Variants in CLOCK observed in about 807,000 individuals in gnomAD.
CLOCK encodes circadian locomoter output cycles protein kaput.
CLOCK carries 43 observed loss-of-function variants against 118.4 expected under a neutral mutation model. The ratio of observed to expected loss-of-function variants is 0.36; its 90% CI spans 0.28 to 0.47. The LOEUF (loss-of-function observed/expected upper bound fraction) is 0.47. Among genes scored for constraint, CLOCK ranks in the 20% least tolerant of loss-of-function variants. The pLI is 1.00. For missense variants in CLOCK, 846 were observed against 999.9 expected (o/e 0.85, Z 2.08); for synonymous variants, 326 against 339.2 (o/e 0.96, Z 0.43).
intron 18 of CLOCK, among the ~76,000 whole-genome samples, chr4:55,445,582 C>CTTTTTTTTTTTTTT (rs56157186): frequency 0.013 from 875 of 68,578 alleles, 155 homozygotes; most frequent in Non-Finnish European, 0.018. Context: ...TTTCTATATT[C>CTTTTTTTTTTTTTT]TTTTTTTTTT....
At chr4:55,443,940 A>C (rs1723580788) in intron 19 of CLOCK, 44 bp from the exon 20 acceptor site, 2 of 1,558,992 alleles carry the variant, frequency 1.3e-6, no homozygotes, top group Admixed American at 1.7e-5. Context: ...TGTAGATTGA[A>C]AAGAAGAATG....
intron 2 of CLOCK, among the ~76,000 whole-genome samples, chr4:55,499,707 T>C (rs893047435): frequency 6.6e-6 from 1 of 152,226 alleles, no homozygotes; most frequent in African/African-American, 2.4e-5. Context: ...GCTGCTTAAA[T>C]CTATCCTCCG....
chr4:55,439,057 A>T (rs184916631), intron 21 of CLOCK, among the ~76,000 whole-genome samples: 1 of 152,326 alleles, frequency 6.6e-6, no homozygotes, highest in Admixed American at 6.5e-5. Context: ...CACTATCAAC[A>T]GAGTAAAAAG....
chr4:55,509,613 G>A (rs1729015491), intron 2 of CLOCK, among the ~76,000 whole-genome samples: 3 of 152,166 alleles, frequency 2.0e-5, no homozygotes, highest in African/African-American at 7.2e-5. Context: ...TCAGTCATTT[G>A]CAAATCATCT....
chr4:55,539,600 A>AAAAAG (rs1731127648), intron 1 of CLOCK, among the ~76,000 whole-genome samples: 4 of 134,836 alleles, frequency 3.0e-5, no homozygotes, highest in Non-Finnish European at 4.8e-5. Context: ...AAAAAAAAAA[A>AAAAAG]GGTGAAATTG....
At position 55,444,730 on chromosome 4, in the gene CLOCK, TG is replaced by T; in HGVS notation, c.1594del (p.Gln532AsnfsTer5). The T allele has an allele frequency of 6.2e-7, 1 of 1,614,152 alleles. No homozygotes were observed. On this transcript the variant is annotated frameshift_variant, in exon 19 of 23. Coordinates refer to ENST00000513440, the MANE Select transcript of CLOCK (RefSeq NM_004898.4). LOFTEE classifies it high-confidence loss of function. ...ATTTGCTTCTATCATGCGTGTCCGT[TG>T]TTCCAATTGGTCTTTCAGATGTTGC... ...AMQHLKDQLE[Q>X]RTRMIEANIH...
intron 2 of CLOCK, among the ~76,000 whole-genome samples, chr4:55,491,789 T>C (rs892759922): frequency 6.6e-5 from 10 of 150,582 alleles, no homozygotes; most frequent in African/African-American, 2.4e-4. Context: ...ACAGCACAGA[T>C]GACTTTACAA....
intron 20 of CLOCK, among the ~76,000 whole-genome samples, chr4:55,443,446 G>A (rs987010732): frequency 7.0e-6 from 1 of 143,278 alleles, no homozygotes; most frequent in African/African-American, 2.6e-5. Flanking sequence ...TTGCACTCCA[G>A]CCTGGGCAAC....
chr4:55,523,804 A>G (rs1447806170), intron 1 of CLOCK, among the ~76,000 whole-genome samples: 2 of 152,202 alleles, frequency 1.3e-5, no homozygotes, highest in Non-Finnish European at 2.9e-5. Context: ...TTCATCATAA[A>G]AAAAATTGAA....
chr4:55,483,819 TA>T (rs1414716319), intron 3 of CLOCK, among the ~76,000 whole-genome samples: 16 of 152,152 alleles, frequency 1.1e-4, no homozygotes, highest in Admixed American at 1.0e-3. Context: ...AGTCTTACTA[TA>T]AAGAGTCTCA....
chr4:55,531,150 G>A (rs13116194), intron 1 of CLOCK, among the ~76,000 whole-genome samples: 51,374 of 151,564 alleles, frequency 0.34, 9,383 homozygotes, highest in East Asian at 0.58. Flanking sequence ...GCATGATTTC[G>A]AAAAAATGAT....
intron 1 of CLOCK, among the ~76,000 whole-genome samples, chr4:55,522,557 T>C (rs557006613): frequency 6.6e-6 from 1 of 151,816 alleles, no homozygotes; most frequent in Non-Finnish European, 1.5e-5. Flanking sequence ...ATGCTAAACT[T>C]TATGAACAGA....
In CLOCK at chr4:55,447,455, T is replaced by C. The variant is rs374354910; in HGVS notation, c.1539+1324A>G. Among the ~76,000 whole-genome samples, 5 of 152,344 alleles carry C rather than the reference T, an allele frequency of 3.3e-5. No individual in the cohort carries two copies. The East Asian group carries it at 9.6e-4, about 29-fold the overall frequency. ...TACCTTTGGACAAGCATTATATTGA[T>C]AGCAATATAGCACTTAAAGGATTTC... On this transcript the variant is annotated intron_variant, in intron 18 of 22. Coordinates refer to ENST00000513440, the MANE Select transcript of CLOCK (RefSeq NM_004898.4).
intron 1 of CLOCK, among the ~76,000 whole-genome samples, chr4:55,542,373 ATAATAATATTAT>A (rs1278874984): frequency 0.2 from 9,492 of 47,196 alleles, 401 homozygotes; most frequent in Middle Eastern, 0.44. Context: ...AATAATAATA[ATAATAATATTAT>A]TATTATTATT....
chr4:55,466,222 A>G (rs1725730200), intron 8 of CLOCK, among the ~76,000 whole-genome samples: 1 of 151,796 alleles, frequency 6.6e-6, no homozygotes. Context: ...CCAAGTTCTG[A>G]TGGTTTTGTA....
rs140352330 is a variant in CLOCK at position 55,430,026 on chromosome 4, C to T, written c.*5389G>A. On this transcript the variant is annotated 3_prime_UTR_variant, in exon 23 of 23. Coordinates refer to ENST00000513440, the MANE Select transcript of CLOCK (RefSeq NM_004898.4). Reference sequence around the variant, plus strand: ...AAACCACACATTAAATACATGACACCGAAATCACTTTGATGAGAAAACAGA... The same window carrying T: ...AAACCACACATTAAATACATGACACTGAAATCACTTTGATGAGAAAACAGA... 10 of 152,202 alleles carry T rather than the reference C, an allele frequency of 6.6e-5. No homozygotes were observed. Among genetic ancestry groups the T allele is most frequent in the African/African-American group, 2.2e-4 (9 of 41,514 alleles). The allele number at this position is 152,202 out of a possible 1,614,324, so 9.4% of individuals were successfully genotyped here. A position where few individuals can be genotyped will look rare whatever the true frequency, so the allele number is the denominator to read the frequency against.
At chr4:55,522,503 T>TA (rs138608156) in intron 1 of CLOCK, among the ~76,000 whole-genome samples, 2,663 of 149,670 alleles carry the variant, frequency 0.018, 69 homozygotes, top group African/African-American at 0.062. Flanking sequence ...CTGTTTTTTT[T>TA]TAAAAAAAAA....
chr4:55,528,630 A>G (rs563343329), intron 1 of CLOCK, among the ~76,000 whole-genome samples: 1 of 152,294 alleles, frequency 6.6e-6, no homozygotes, highest in South Asian at 2.1e-4. Flanking sequence ...CAAGTGTGTT[A>G]AGTTTAAACA....
chr4:55,530,468 T>C (rs948120195), intron 1 of CLOCK, among the ~76,000 whole-genome samples: 6 of 152,130 alleles, frequency 3.9e-5, no homozygotes, highest in Non-Finnish European at 8.8e-5. Flanking sequence ...CTCTGTATAC[T>C]GGAGTTAATT....
Sources: allele counts gnomAD v4.1 joint callset (sites outside exome capture counted in the v4.1 genomes callset), GRCh38; gene constraint gnomAD v4.1.1; transcripts MANE v1.5; gene names NCBI Gene and HGNC (gene_info 2026-07-23, HGNC 2026-07-21).